NEK11: variants seen among roughly 807,000 people sequenced by gnomAD.
NEK11 encodes the protein NIMA related kinase 11.
In NEK11, 72 loss-of-function variants were observed where a neutral mutation model predicts 80.7. The observed-to-expected ratio is 0.89, with a 90% CI of 0.74 to 1.08. NEK11 has a LOEUF of 1.08. Among genes scored for constraint, NEK11 ranks in the 50% least tolerant of loss-of-function variants. NEK11 has a pLI of 0.00. For synonymous variants in NEK11, 251 were observed against 260.7 expected (o/e 0.96, Z 0.36); for missense variants, 764 against 763.6 (o/e 1.00, Z -0.01).
intron 17 of NEK11, among the ~76,000 whole-genome samples, chr3:131,298,513 G>T (rs936535833): frequency 3.3e-5 from 5 of 152,114 alleles, no homozygotes; most frequent in Non-Finnish European, 7.4e-5. Flanking sequence ...AAAGTCTCAG[G>T]ATACAAAATC....
At chr3:131,310,070 C>T (rs550777775) in intron 17 of NEK11, among the ~76,000 whole-genome samples, 34 of 130,776 alleles carry the variant, frequency 2.6e-4, no homozygotes, top group African/African-American at 6.2e-4. Context: ...ATTTTTCTAT[C>T]GAAAAAAAAG....
intron 3 of NEK11, among the ~76,000 whole-genome samples, chr3:131,060,561 A>G (rs572804344): frequency 2.3e-4 from 35 of 152,206 alleles, no homozygotes; most frequent in East Asian, 7.7e-4. Context: ...CATTTTTTTA[A>G]TCTCATATTT....
chr3:131,342,836 G>A (rs532579441), intron 17 of NEK11, among the ~76,000 whole-genome samples: 24 of 152,062 alleles, frequency 1.6e-4, no homozygotes, highest in Admixed American at 2.6e-4. Flanking sequence ...ACTCCATTCC[G>A]ATACTATAAC....
At chr3:131,214,215 G>A (rs567260064) in intron 14 of NEK11, among the ~76,000 whole-genome samples, 32 of 152,284 alleles carry the variant, frequency 2.1e-4, no homozygotes, top group South Asian at 2.1e-3. Context: ...ACTCCTTGTC[G>A]TAAATTTGTA....
intron 17 of NEK11, among the ~76,000 whole-genome samples, chr3:131,279,580 C>T (rs779494342): frequency 5.3e-5 from 8 of 152,170 alleles, no homozygotes; most frequent in South Asian, 2.1e-4. Context: ...CCGAAAATTC[C>T]CTGTGCTCCC....
At chr3:131,302,150 T>C (rs1355603234) in intron 17 of NEK11, among the ~76,000 whole-genome samples, 4 of 152,142 alleles carry the variant, frequency 2.6e-5, no homozygotes, top group Non-Finnish European at 4.4e-5. Context: ...TGCATAGATA[T>C]GTTTGTAGTA....
At chr3:131,341,702 CT>C (rs929307225) in intron 17 of NEK11, among the ~76,000 whole-genome samples, 105 of 152,008 alleles carry the variant, frequency 6.9e-4, no homozygotes, top group Non-Finnish European at 9.3e-4. Context: ...ATTTAGAATT[CT>C]TTTTTTCTTC....
At chr3:131,080,233 G>A (rs559508174) in intron 3 of NEK11, among the ~76,000 whole-genome samples, 190 bp from the exon 4 acceptor site, 34 of 152,232 alleles carry the variant, frequency 2.2e-4, no homozygotes, top group Admixed American at 9.2e-4. Flanking sequence ...GAGGAGGTCA[G>A]AGGCCTTGGG....
At chr3:131,030,994 A>G (rs1362085407) in intron 3 of NEK11, among the ~76,000 whole-genome samples, 2 of 152,156 alleles carry the variant, frequency 1.3e-5, no homozygotes, top group Non-Finnish European at 2.9e-5. Flanking sequence ...ATCCCATAAT[A>G]TATTGTTTTC....
At chr3:131,083,354 A>T (rs1353902953) in intron 4 of NEK11, among the ~76,000 whole-genome samples, 1 of 152,170 alleles carries the variant, frequency 6.6e-6, no homozygotes. Context: ...GGCTGTTGCC[A>T]TGGTGATGGC....
At chr3:131,233,079 C>T (rs560892776) in intron 15 of NEK11, among the ~76,000 whole-genome samples, 2 of 151,060 alleles carry the variant, frequency 1.3e-5, no homozygotes, top group African/African-American at 4.9e-5. Context: ...CTGATAAAAC[C>T]TTGGCAGGCA....
chr3:131,279,873 C>T (rs567649477), intron 17 of NEK11, among the ~76,000 whole-genome samples: 5 of 152,282 alleles, frequency 3.3e-5, no homozygotes, highest in African/African-American at 7.2e-5. Flanking sequence ...GCAGCGGTCC[C>T]GAAGGTTTCT....
intron 17 of NEK11, among the ~76,000 whole-genome samples, chr3:131,311,805 A>G (rs1373809633): frequency 6.6e-6 from 1 of 152,260 alleles, no homozygotes; most frequent in African/African-American, 2.4e-5. Context: ...GCAAATCAGT[A>G]AAATCTAGTG....
In NEK11 at chr3:131,184,258, A is replaced by G. The variant is rs115160496; in HGVS notation, c.1399+13371A>G. ...CAATAAACTAGTTCTTTGTTACTCA[A>G]AGTGTGACCTGTGGATTACAATCAG... On this transcript the variant is annotated intron_variant, in intron 14 of 17. Transcript: ENST00000383366. 4.6e-3 allele frequency among the ~76,000 whole-genome samples: 697 copies of G among 152,344 alleles called. 2 individuals are homozygous for G. Among genetic ancestry groups the G allele is most frequent in the Non-Finnish European group, 7.4e-3 (506 of 68,034 alleles).
chr3:131,150,351 T>C (rs1322206818), intron 7 of NEK11, among the ~76,000 whole-genome samples: 1 of 152,040 alleles, frequency 6.6e-6, no homozygotes, highest in Non-Finnish European at 1.5e-5. Flanking sequence ...TTTGTCATCG[T>C]GTAGATTTTT....
chr3:131,164,644 C>T (rs1409103541), intron 11 of NEK11, among the ~76,000 whole-genome samples: 1 of 152,166 alleles, frequency 6.6e-6, no homozygotes, highest in Admixed American at 6.5e-5. Flanking sequence ...ATATCTTTCA[C>T]ATGATACACT....
intron 5 of NEK11, among the ~76,000 whole-genome samples, chr3:131,123,690 G>C (rs1420280164): frequency 6.6e-5 from 10 of 151,532 alleles, no homozygotes; most frequent in Admixed American, 2.0e-4. Context: ...GTCTAGTCTA[G>C]GTGTCATCAG....
intron 3 of NEK11, among the ~76,000 whole-genome samples, chr3:131,070,402 GTAGACTTCACCACCTTGT>G (rs1002770689): frequency 3.3e-4 from 51 of 152,258 alleles, no homozygotes; most frequent in Admixed American, 3.1e-3. Context: ...ACCTCAAAAT[GTAGACTTCACCACCTTGT>G]TAGGAGAGTA....
chr3:131,245,761 A>T (rs1308473156), intron 16 of NEK11, among the ~76,000 whole-genome samples: 3 of 150,772 alleles, frequency 2.0e-5, no homozygotes, highest in African/African-American at 7.3e-5. Flanking sequence ...ATGTCTGTTC[A>T]TGCATGTCTT....
Sources: allele counts gnomAD v4.1 joint callset (sites outside exome capture counted in the v4.1 genomes callset), GRCh38; gene constraint gnomAD v4.1.1; transcripts MANE v1.5; gene names NCBI Gene and HGNC (gene_info 2026-07-23, HGNC 2026-07-21).